Variants in OXR1 observed in about 807,000 individuals in gnomAD.
OXR1 encodes oxidation resistance protein 1.
A neutral mutation model predicts 104.6 loss-of-function variants in OXR1; 41 were observed. That is an observed-to-expected ratio of 0.39 (90% CI 0.31 to 0.51). OXR1 has a LOEUF of 0.51. OXR1 is among the 20% of genes least tolerant of loss of function. OXR1 has a pLI of 0.77. For synonymous variants in OXR1, 348 were observed against 348.4 expected (o/e 1.00, Z 0.01); for missense variants, 955 against 1,031.9 (o/e 0.93, Z 1.02).
chr8:106,549,664 T>G (rs1288034952), intron 3 of OXR1, among the ~76,000 whole-genome samples: 1 of 152,224 alleles, frequency 6.6e-6, no homozygotes, highest in Non-Finnish European at 1.5e-5. Context: ...CCTGCAGATT[T>G]GATGTCTGGT....
At chr8:106,333,033 T>C (rs1225773729) in intron 1 of OXR1, among the ~76,000 whole-genome samples, 1 of 152,214 alleles carries the variant, frequency 6.6e-6, no homozygotes, top group African/African-American at 2.4e-5. Context: ...ATATTTTGTT[T>C]ATCCATTTAT....
At chr8:106,276,704 A>T (rs1024026970) in intron 1 of OXR1, among the ~76,000 whole-genome samples, 1 of 149,022 alleles carries the variant, frequency 6.7e-6, no homozygotes, top group Admixed American at 6.8e-5. Flanking sequence ...TCAAGAACCG[A>T]TATTTAGCTC....
At chr8:106,459,019 A>T (rs963493641) in intron 2 of OXR1, among the ~76,000 whole-genome samples, 2 of 152,050 alleles carry the variant, frequency 1.3e-5, no homozygotes, top group African/African-American at 2.4e-5. Flanking sequence ...TTTTGAGTTG[A>T]TGCTGGAATG....
At chr8:106,273,656 T>G (rs1473934711) in intron 1 of OXR1, among the ~76,000 whole-genome samples, 2 of 152,240 alleles carry the variant, frequency 1.3e-5, no homozygotes, top group Non-Finnish European at 2.9e-5. Context: ...CTTTCAAATA[T>G]TCCTATTGGA....
intron 1 of OXR1, among the ~76,000 whole-genome samples, chr8:106,307,700 G>A (rs1783177): frequency 0.3 from 45,627 of 151,840 alleles, 7,150 homozygotes; most frequent in East Asian, 0.56. Flanking sequence ...GCTGTAGTTG[G>A]TTCCCAGTCA....
At chr8:106,276,753 C>CAAAAAAAAAAAAAAAAAAAAA (rs56303147) in intron 1 of OXR1, among the ~76,000 whole-genome samples, 1 of 77,764 alleles carries the variant, frequency 1.3e-5, no homozygotes, top group Non-Finnish European at 2.6e-5. Context: ...CTGTTAGAGG[C>CAAAAAAAAAAAAAAAAAAAAA]AAAAAAAAAA....
At chr8:106,603,446 A>G (rs1186959786) in intron 3 of OXR1, among the ~76,000 whole-genome samples, 1 of 152,220 alleles carries the variant, frequency 6.6e-6, no homozygotes, top group African/African-American at 2.4e-5. Context: ...TTTAAATGGT[A>G]TATGGTAGAT....
chr8:106,398,342 G>C (rs1417285878), intron 2 of OXR1, among the ~76,000 whole-genome samples: 2 of 152,022 alleles, frequency 1.3e-5, no homozygotes, highest in Non-Finnish European at 2.9e-5. Context: ...GATTTATTTG[G>C]TACAGAGTGC....
Position 106,430,841 on chromosome 8 carries a change from G to T in OXR1, c.23+71205G>T, listed in dbSNP as rs370650084. Among the ~76,000 whole-genome samples the T allele has an allele frequency of 3.1e-3, 467 of 152,254 alleles. 1 individual carries two copies. The highest frequency in any genetic ancestry group is 0.014 in the South Asian group (69 of 4,822). On this transcript the variant is annotated intron_variant, in intron 2 of 16. Transcript: ENST00000517566. ...AGTCTATCTTATGGACTACAGTAAT[G>T]CAACTCTGAATAGTTAAGTGATTTG...
At chr8:106,321,960 G>T (rs1026511369) in intron 1 of OXR1, among the ~76,000 whole-genome samples, 3 of 152,000 alleles carry the variant, frequency 2.0e-5, no homozygotes, top group African/African-American at 7.2e-5. Flanking sequence ...TAAAAACTCA[G>T]CAATAACAAA....
intron 3 of OXR1, among the ~76,000 whole-genome samples, chr8:106,664,010 T>G (rs1271386567): frequency 1.3e-5 from 2 of 152,178 alleles, no homozygotes; most frequent in Admixed American, 6.5e-5. Flanking sequence ...TGGCCCCAGT[T>G]TTAGTCTCTT....
chr8:106,674,046 G>C (rs1180509469), intron 3 of OXR1, among the ~76,000 whole-genome samples: 1 of 152,318 alleles, frequency 6.6e-6, no homozygotes, highest in Admixed American at 6.5e-5. Flanking sequence ...CTCTACTGGG[G>C]CCCTGCCCAG....
intron 6 of OXR1, among the ~76,000 whole-genome samples, chr8:106,686,371 AT>A (rs1828724896): frequency 6.6e-6 from 1 of 151,418 alleles, no homozygotes; most frequent in South Asian, 2.1e-4. Flanking sequence ...CATCAAAGAG[AT>A]TATGGGCAAT....
At chr8:106,444,590 G>T (rs2130597294) in intron 2 of OXR1, among the ~76,000 whole-genome samples, 1 of 152,184 alleles carries the variant, frequency 6.6e-6, no homozygotes, top group South Asian at 2.1e-4. Flanking sequence ...CACAGGAACA[G>T]CGAACCAAAC....
intron 1 of OXR1, among the ~76,000 whole-genome samples, chr8:106,345,217 T>C (rs1342805062): frequency 6.6e-6 from 1 of 152,210 alleles, no homozygotes; most frequent in African/African-American, 2.4e-5. Context: ...TAAGAACACA[T>C]AGCAGGTGCT....
intron 1 of OXR1, among the ~76,000 whole-genome samples, chr8:106,309,642 C>T (rs1813615023): frequency 6.6e-6 from 1 of 151,228 alleles, no homozygotes; most frequent in African/African-American, 2.4e-5. Context: ...ATTATTTTTT[C>T]CTTTGAGAGA....
intron 7 of OXR1, among the ~76,000 whole-genome samples, chr8:106,700,453 T>C (rs1197432036): frequency 6.6e-6 from 1 of 152,192 alleles, no homozygotes. Context: ...ATGGGAACTT[T>C]GAGTGTGTAG....
At chr8:106,686,173 G>A (rs772232052) in intron 6 of OXR1, among the ~76,000 whole-genome samples, 7 of 152,120 alleles carry the variant, frequency 4.6e-5, no homozygotes, top group Non-Finnish European at 1.0e-4. Flanking sequence ...ATTGGGTACA[G>A]TGTACACTGC....
rs1186771369 is a variant in OXR1, at chr8:106,751,794, C to A, written c.*853C>A. Reference sequence around the variant, plus strand: ...TCCTCAACATACTGTGTCAGGTATACTGTTTTATAATTTGGTTGTTTTAGC... The same window carrying A: ...TCCTCAACATACTGTGTCAGGTATAATGTTTTATAATTTGGTTGTTTTAGC... On this transcript the variant is annotated 3_prime_UTR_variant, in exon 17 of 17. Coordinates refer to ENST00000517566, the MANE Select transcript of OXR1 (RefSeq NM_001198533.2). 1 of 152,312 alleles carries A rather than the reference C, an allele frequency of 6.6e-6. No homozygotes were observed. The highest frequency in any genetic ancestry group is 1.5e-5 in the Non-Finnish European group (1 of 67,928). The allele number at this position is 152,312 out of a possible 1,614,324, so 9.4% of individuals were successfully genotyped here.
Sources: allele counts gnomAD v4.1 joint callset (sites outside exome capture counted in the v4.1 genomes callset), GRCh38; gene constraint gnomAD v4.1.1; transcripts MANE v1.5; gene names NCBI Gene and HGNC (gene_info 2026-07-23, HGNC 2026-07-21).